The following PDE7A variants were observed in gnomAD, a reference collection of about 807,000 sequenced individuals.
PDE7A encodes the protein phosphodiesterase 7A, also known as high affinity 3',5'-cyclic-AMP phosphodiesterase 7A.
Under a neutral mutation model 64.3 loss-of-function variants are expected in PDE7A, and 39 were observed. The ratio of observed to expected loss-of-function variants is 0.61; its 90% confidence interval spans 0.47 to 0.79. The LOEUF (loss-of-function observed/expected upper bound fraction) is 0.79. Ranked by LOEUF, PDE7A falls within the 30% of genes least tolerant of loss-of-function variation. The pLI, the probability that PDE7A is intolerant of heterozygous loss-of-function variation, is 0.00. For synonymous variants in PDE7A, 203 were observed against 206.8 expected (o/e 0.98, Z 0.16); for missense variants, 470 against 582.8 (o/e 0.81, Z 1.99).
intron 3 of PDE7A, among the ~76,000 whole-genome samples, chr8:65,753,048 A>G (rs1808042288): frequency 6.6e-6 from 1 of 152,144 alleles, no homozygotes; most frequent in African/African-American, 2.4e-5. Context: ...TTTGTGCTTT[A>G]TGGTAAAGCT....
At chr8:65,762,174 G>A (rs778394130) in intron 3 of PDE7A, among the ~76,000 whole-genome samples, 7 of 152,116 alleles carry the variant, frequency 4.6e-5, no homozygotes, top group Non-Finnish European at 1.0e-4. Flanking sequence ...GTTGAATGGC[G>A]CTGGTATTAA....
chr8:65,764,703 A>T (rs181130163), intron 3 of PDE7A, among the ~76,000 whole-genome samples: 7 of 152,364 alleles, frequency 4.6e-5, no homozygotes, highest in Admixed American at 3.9e-4. Flanking sequence ...AGCTTTTAAG[A>T]AACATCTTCT....
chr8:65,721,192 T>C lies in PDE7A; in HGVS notation c.1244-1697A>G, dbSNP rs147798970. ...CATTTGTGACTCCATTTAATTGTAC[T>C]AGCCCCACAAGCCTCTACTTTATCT... On this transcript the variant is annotated intron_variant, in intron 12 of 12. Coordinates refer to ENST00000401827, the MANE Select transcript of PDE7A (RefSeq NM_001242318.3). Among the ~76,000 whole-genome samples, 406 of 152,354 alleles carry C rather than the reference T, an allele frequency of 2.7e-3. 5 individuals are homozygous for C. The South Asian group carries it at 0.035, about 13-fold the overall frequency.
chr8:65,769,279 G>A (rs1414455780), intron 3 of PDE7A, among the ~76,000 whole-genome samples: 1 of 148,154 alleles, frequency 6.7e-6, no homozygotes, highest in Non-Finnish European at 1.5e-5. Context: ...AGTAACAGAT[G>A]CATGCACATA....
In PDE7A at chr8:65,739,616, C is replaced by T. The variant is rs760922363; in HGVS notation, c.500-19G>A. On this transcript the variant is annotated intron_variant, in intron 5 of 12. Transcript: ENST00000401827. ...CTATTTCCTAAAAAGAAAGAAGAGA[C>T]ATTACATTAGTAGGAAATACAAGTC... 1 of 1,491,902 alleles carries T rather than the reference C, an allele frequency of 6.7e-7. No homozygotes were observed. Among genetic ancestry groups the T allele is most frequent in the African/African-American group, 1.4e-5 (1 of 69,398 alleles). The allele number at this position is 1,491,902 out of a possible 1,614,324, so 92.4% of individuals were successfully genotyped here.
At chr8:65,779,279 G>A (rs1030806097) in intron 3 of PDE7A, among the ~76,000 whole-genome samples, 1 of 151,990 alleles carries the variant, frequency 6.6e-6, no homozygotes. Flanking sequence ...CACAAAGAAT[G>A]CTTGTTTTTG....
chr8:65,764,338 T>C (rs760910489), intron 3 of PDE7A, among the ~76,000 whole-genome samples: 10 of 152,214 alleles, frequency 6.6e-5, no homozygotes, highest in Non-Finnish European at 1.2e-4. Flanking sequence ...AAGATCTTAG[T>C]CTACAATACC....
intron 1 of PDE7A, among the ~76,000 whole-genome samples, chr8:65,839,636 A>G (rs7005571): frequency 0.084 from 12,827 of 152,214 alleles, 1,623 homozygotes; most frequent in African/African-American, 0.27. Context: ...AATTTTTTTA[A>G]AAGTTGTAAG....
chr8:65,776,703 T>C (rs1809269618), intron 3 of PDE7A, among the ~76,000 whole-genome samples: 1 of 152,222 alleles, frequency 6.6e-6, no homozygotes, highest in Admixed American at 6.5e-5. Flanking sequence ...TCACTGTTAC[T>C]TTACAGAACT....
chr8:65,786,771 C>T (rs1809568575), intron 1 of PDE7A, among the ~76,000 whole-genome samples: 1 of 152,184 alleles, frequency 6.6e-6, no homozygotes, highest in African/African-American at 2.4e-5. Context: ...TGAGAGGCTT[C>T]TACTCGTGAC....
rs79759602 is a variant in PDE7A at position 65,817,544 on chromosome 8, C to G, written c.138+23827G>C. On this transcript the variant is annotated intron_variant, in intron 1 of 12. Coordinates refer to ENST00000401827, the MANE Select transcript of PDE7A (RefSeq NM_001242318.3). ...CATTTAGTCATCATGTCTCTTTGAT[C>G]TCCTCTGCCCTGTAATAATTTCTCA... is the stretch of plus-strand genomic sequence containing the variant. 6.3e-3 allele frequency among the ~76,000 whole-genome samples: 954 copies of G among 152,242 alleles called. 3 individuals are homozygous for G. Among genetic ancestry groups the G allele is most frequent in the South Asian group, 0.016 (77 of 4,824 alleles).
At chr8:65,719,701 A>T in intron 12 of PDE7A, 1 of 561,916 alleles carries the variant, frequency 1.8e-6, no homozygotes, top group Non-Finnish European at 3.2e-6. Flanking sequence ...AACTCAATGG[A>T]AATTTGAGTA....
At chr8:65,810,973 T>C (rs1452208227) in intron 1 of PDE7A, among the ~76,000 whole-genome samples, 3 of 152,108 alleles carry the variant, frequency 2.0e-5, no homozygotes, top group Non-Finnish European at 4.4e-5. Context: ...GAAAACATAA[T>C]GAGGGAAAAA....
At chr8:65,779,849 C>T (rs764297903) in intron 2 of PDE7A, 46 bp from the exon 3 acceptor site, 4 of 1,229,774 alleles carry the variant, frequency 3.3e-6, no homozygotes, top group South Asian at 1.3e-5. Flanking sequence ...GGTTGTCATT[C>T]GGGAAGAAGC....
At chr8:65,760,776 T>G (rs1808448962) in intron 3 of PDE7A, among the ~76,000 whole-genome samples, 1 of 152,128 alleles carries the variant, frequency 6.6e-6, no homozygotes. Flanking sequence ...AGACTCCTAT[T>G]ATGGGGAAAG....
chr8:65,812,606 A>G (rs897273117), intron 1 of PDE7A, among the ~76,000 whole-genome samples: 2 of 152,222 alleles, frequency 1.3e-5, no homozygotes, highest in African/African-American at 2.4e-5. Flanking sequence ...CACACACAAA[A>G]AAACTACCAT....
chr8:65,802,117 A>T (rs1278860088), intron 1 of PDE7A, among the ~76,000 whole-genome samples: 1 of 152,260 alleles, frequency 6.6e-6, no homozygotes, highest in African/African-American at 2.4e-5. Context: ...TTTCTCATTA[A>T]GAAAATACTT....
intron 3 of PDE7A, 45 bp from the exon 4 acceptor site, chr8:65,747,848 T>C (rs1413608000): frequency 1.5e-6 from 2 of 1,331,026 alleles, no homozygotes; most frequent in African/African-American, 1.5e-5. Context: ...GTTAAAATTA[T>C]ACACATGCTA....
chr8:65,769,297 T>A (rs7000292), intron 3 of PDE7A, among the ~76,000 whole-genome samples: 51,346 of 149,104 alleles, frequency 0.34, 10,128 homozygotes, highest in African/African-American at 0.54. Flanking sequence ...ATATTTTTTT[T>A]AAAAAATTGT....
Sources: allele counts gnomAD v4.1 joint callset (sites outside exome capture counted in the v4.1 genomes callset), GRCh38; gene constraint gnomAD v4.1.1; transcripts MANE v1.5; gene names NCBI Gene and HGNC (gene_info 2026-07-23, HGNC 2026-07-21).